Variants in CSNK1G3 observed in about 807,000 individuals in gnomAD.
CSNK1G3 encodes casein kinase 1 gamma 3.
Under a neutral mutation model 64.3 loss-of-function variants are expected in CSNK1G3, and 23 were observed. That is an observed-to-expected ratio of 0.36 (90% CI 0.26 to 0.51). The LOEUF (loss-of-function observed/expected upper bound fraction) is 0.51, where lower values mean the gene tolerates loss of function less well. Among genes scored for constraint, CSNK1G3 ranks in the 20% least tolerant of loss-of-function variants. The pLI is 0.96. For missense variants in CSNK1G3, 357 were observed against 510.5 expected, an observed-to-expected ratio of 0.70 and a Z score of 2.90; for synonymous variants, 158 against 162.2, an observed-to-expected ratio of 0.97 and a Z score of 0.20.
intron 1 of CSNK1G3, among the ~76,000 whole-genome samples, chr5:123,537,415 G>A (rs1349209522): frequency 6.7e-6 from 1 of 150,000 alleles, no homozygotes; most frequent in African/African-American, 2.4e-5. Flanking sequence ...ATAGACAGTG[G>A]AGACTTGGAA....
chr5:123,581,820 T>C (rs1316449851), intron 6 of CSNK1G3, among the ~76,000 whole-genome samples: 1 of 151,988 alleles, frequency 6.6e-6, no homozygotes, highest in Non-Finnish European at 1.5e-5. Context: ...TTTTAATATT[T>C]AAGAAGGAAA....
intron 6 of CSNK1G3, among the ~76,000 whole-genome samples, chr5:123,585,709 A>G (rs1210091949): frequency 1.3e-5 from 2 of 152,202 alleles, no homozygotes; most frequent in African/African-American, 2.4e-5. Context: ...AAGTCAGTTA[A>G]TCCATACTTT....
chr5:123,544,821 C>T (rs1008769895), intron 1 of CSNK1G3, among the ~76,000 whole-genome samples: 1 of 151,954 alleles, frequency 6.6e-6, no homozygotes, highest in South Asian at 2.1e-4. Context: ...TTTTTAAGGC[C>T]CACGTTAAAT....
chr5:123,543,610 C>G (rs887640731), intron 1 of CSNK1G3, among the ~76,000 whole-genome samples: 1 of 152,128 alleles, frequency 6.6e-6, no homozygotes, highest in Non-Finnish European at 1.5e-5. Flanking sequence ...TGTGTGTTGC[C>G]TGAGCCTCAC....
intron 1 of CSNK1G3, among the ~76,000 whole-genome samples, chr5:123,542,883 T>C: frequency 6.6e-6 from 1 of 151,250 alleles, no homozygotes; most frequent in Admixed American, 6.6e-5. Context: ...TGTGTGTGTG[T>C]GTGTTTACCA....
At chr5:123,576,469 T>C (rs1789188827) in intron 6 of CSNK1G3, among the ~76,000 whole-genome samples, 1 of 152,170 alleles carries the variant, frequency 6.6e-6, no homozygotes, top group Non-Finnish European at 1.5e-5. Flanking sequence ...TTTTAAGGGG[T>C]TTCTTATTGG....
chr5:123,595,949 T>A (rs1209681417), intron 10 of CSNK1G3, among the ~76,000 whole-genome samples: 1 of 152,108 alleles, frequency 6.6e-6, no homozygotes, highest in Non-Finnish European at 1.5e-5. Flanking sequence ...TCCCAGTACA[T>A]TTCAATTTAG....
chr5:123,517,785 T>G (rs990918441), intron 1 of CSNK1G3, among the ~76,000 whole-genome samples: 1 of 152,176 alleles, frequency 6.6e-6, no homozygotes, highest in Non-Finnish European at 1.5e-5. Flanking sequence ...GTATAGAGTT[T>G]GTAGATGTTG....
At chr5:123,553,654 A>T (rs1431444334) in intron 3 of CSNK1G3, among the ~76,000 whole-genome samples, 1 of 152,226 alleles carries the variant, frequency 6.6e-6, no homozygotes, top group Non-Finnish European at 1.5e-5. Context: ...GATAGATAAC[A>T]GGGAAAGCAA....
intron 6 of CSNK1G3, among the ~76,000 whole-genome samples, chr5:123,579,002 AC>A (rs1160413198): frequency 1.3e-5 from 2 of 152,004 alleles, no homozygotes; most frequent in African/African-American, 4.8e-5. Flanking sequence ...AGAAATGTGA[AC>A]CAATCAGTAT....
chr5:123,557,770 A>T (rs1353550567), intron 4 of CSNK1G3, among the ~76,000 whole-genome samples: 1 of 152,112 alleles, frequency 6.6e-6, no homozygotes, highest in African/African-American at 2.4e-5. Flanking sequence ...ATGAGTAGAG[A>T]ACATTGTGAA....
chr5:123,572,172 T>C (rs1581200438), intron 4 of CSNK1G3, among the ~76,000 whole-genome samples: 1 of 152,108 alleles, frequency 6.6e-6, no homozygotes, highest in Admixed American at 6.6e-5. Flanking sequence ...GTAGTTCTTC[T>C]TATCAGGCAT....
At chr5:123,548,279 T>C (rs1782933265) in intron 2 of CSNK1G3, among the ~76,000 whole-genome samples, 1 of 151,992 alleles carries the variant, frequency 6.6e-6, no homozygotes, top group East Asian at 1.9e-4. Context: ...TGCAACATAG[T>C]GAGAGCCTAT....
chr5:123,574,949 A>G lies in CSNK1G3; in HGVS notation c.439-780A>G, dbSNP rs571065318. Among the ~76,000 whole-genome samples the G allele has an allele frequency of 9.1e-4, 139 of 152,304 alleles. No individual in the cohort carries two copies. In the Middle Eastern group the frequency reaches 0.014, roughly 15 times the overall value. On this transcript the variant is annotated intron_variant, in intron 5 of 12. Coordinates refer to ENST00000345990, the Ensembl canonical transcript of CSNK1G3. ...ATATAGACATAGAATATTGTACATT[A>G]TATGCTGCAAAGTTTGTTAAACAAA...
intron 6 of CSNK1G3, among the ~76,000 whole-genome samples, chr5:123,579,927 G>A (rs1305237566): frequency 1.3e-5 from 2 of 151,930 alleles, no homozygotes; most frequent in African/African-American, 2.4e-5. Flanking sequence ...AAGATTACAT[G>A]AATTCCTATT....
chr5:123,560,500 G>A (rs1381219749), intron 4 of CSNK1G3, among the ~76,000 whole-genome samples: 1 of 152,176 alleles, frequency 6.6e-6, no homozygotes, highest in Non-Finnish European at 1.5e-5. Context: ...TGGATAAAAT[G>A]TGGTATATAC....
intron 4 of CSNK1G3, among the ~76,000 whole-genome samples, chr5:123,562,491 T>C (rs1418537553): frequency 6.6e-6 from 1 of 152,080 alleles, no homozygotes; most frequent in African/African-American, 2.4e-5. Context: ...CTGTTTTCTT[T>C]CATTAGATGT....
At chr5:123,593,170 C>T (rs892834546) in intron 10 of CSNK1G3, among the ~76,000 whole-genome samples, 1 of 149,814 alleles carries the variant, frequency 6.7e-6, no homozygotes, top group Admixed American at 6.7e-5. Flanking sequence ...CCAGTCCTTG[C>T]ACTAAATGTA....
chr5:123,613,558 CT>C (rs1748897809), intron 12 of CSNK1G3, among the ~76,000 whole-genome samples: 1 of 151,730 alleles, frequency 6.6e-6, no homozygotes, highest in Non-Finnish European at 1.5e-5. Context: ...GAGATGGGGT[CT>C]TGCTGTATTG....
Sources: gnomAD v4.1 joint callset for allele counts (sites outside exome capture counted in the v4.1 genomes callset) on GRCh38, gnomAD v4.1.1 for gene constraint, MANE v1.5 for transcripts, NCBI Gene and HGNC (gene_info 2026-07-23, HGNC 2026-07-21) for gene names.